SLC30A9: variants seen among roughly 807,000 people sequenced by gnomAD.
SLC30A9 encodes the protein solute carrier family 30 member 9, also known as proton-coupled zinc antiporter SLC30A9, mitochondrial.
SLC30A9 carries 58 observed loss-of-function variants against 87.5 expected under a neutral mutation model. That is an observed-to-expected ratio of 0.66 (90% CI 0.54 to 0.82). SLC30A9 has a LOEUF of 0.82. Among genes scored for constraint, SLC30A9 ranks in the 40% least tolerant of loss-of-function variants. SLC30A9 has a pLI of 0.00. For synonymous variants in SLC30A9, 234 were observed against 233.0 expected, an observed-to-expected ratio of 1.00 and a Z score of -0.04; for missense variants, 557 against 679.1, an observed-to-expected ratio of 0.82 and a Z score of 2.00.
intron 7 of SLC30A9, among the ~76,000 whole-genome samples, 166 bp downstream of exon 7, chr4:42,035,499 CTTT>C (rs374689755): frequency 4.3e-5 from 6 of 139,450 alleles, no homozygotes; most frequent in East Asian, 2.1e-4. Flanking sequence ...TCTGATTTTC[CTTT>C]TTTTTTTTTT....
chr4:42,024,288 T>G (rs1433196687), intron 6 of SLC30A9, among the ~76,000 whole-genome samples: 1 of 152,142 alleles, frequency 6.6e-6, no homozygotes, highest in Non-Finnish European at 1.5e-5. Flanking sequence ...GGAGGATCAC[T>G]TGAGCCCAGG....
intron 9 of SLC30A9, among the ~76,000 whole-genome samples, 188 bp from the exon 10 acceptor site, chr4:42,060,003 T>G (rs1381570825): frequency 6.6e-6 from 1 of 152,202 alleles, no homozygotes; most frequent in Non-Finnish European, 1.5e-5. Flanking sequence ...CAATGGTGTT[T>G]TGAACCCCTT....
At chr4:42,075,559 G>C in intron 15 of SLC30A9, 98 bp from the exon 16 acceptor site, 1 of 1,100,518 alleles carries the variant, frequency 9.1e-7, no homozygotes, top group Non-Finnish European at 1.3e-6. Context: ...CTCGTAACTA[G>C]TGGGGAAAAA....
chr4:42,022,321 G>A (rs187601192), intron 4 of SLC30A9, among the ~76,000 whole-genome samples: 6 of 143,964 alleles, frequency 4.2e-5, no homozygotes, highest in South Asian at 4.5e-4. Context: ...TCTGCCTCCC[G>A]GGTTCAAGTG....
At chr4:42,071,261 T>C (rs903511363) in intron 15 of SLC30A9, among the ~76,000 whole-genome samples, 3 of 152,174 alleles carry the variant, frequency 2.0e-5, no homozygotes, top group Admixed American at 6.5e-5. Context: ...TCTAGCAGCA[T>C]TGTGGTTTTA....
Position 42,086,008 on chromosome 4 carries a change from A to G in SLC30A9, c.1663-74A>G. 3.6e-6 allele frequency: 2 copies of G among 561,788 alleles called. 1 individual carries two copies. The highest frequency in any genetic ancestry group is 6.7e-5 in the Admixed American group (2 of 29,956). The allele number at this position is 561,788 out of a possible 1,614,324, so 34.8% of individuals were successfully genotyped here. ...GTTTGCAAATGTTTTCATTGGCTCT[A>G]ATGACCAAAAGGAATAAAAAGAAAC... On this transcript the variant is annotated intron_variant, in intron 17 of 17. Transcript: ENST00000264451.
At chr4:42,038,812 A>G (rs993733563) in intron 7 of SLC30A9, among the ~76,000 whole-genome samples, 174 bp from the exon 8 acceptor site, 2 of 152,246 alleles carry the variant, frequency 1.3e-5, no homozygotes, top group African/African-American at 4.8e-5. Context: ...AGACCCAGAT[A>G]TGCTTTCGGT....
intron 2 of SLC30A9, among the ~76,000 whole-genome samples, chr4:42,006,255 A>G (rs1715196231): frequency 6.6e-6 from 1 of 152,174 alleles, no homozygotes; most frequent in African/African-American, 2.4e-5. Flanking sequence ...CCCAACAAAT[A>G]CTGAGGGATA....
chr4:42,019,638 C>T (rs1241532506), intron 3 of SLC30A9, among the ~76,000 whole-genome samples: 1 of 151,918 alleles, frequency 6.6e-6, no homozygotes, highest in Non-Finnish European at 1.5e-5. Flanking sequence ...AACTAGTATA[C>T]ACATAGATTA....
intron 17 of SLC30A9, among the ~76,000 whole-genome samples, chr4:42,085,107 C>G (rs1718876817): frequency 2.0e-5 from 3 of 152,230 alleles, no homozygotes; most frequent in African/African-American, 7.2e-5. Context: ...GCTAGCTATA[C>G]CATAGTGCCA....
chr4:42,051,555 T>C (rs2153138683), intron 9 of SLC30A9, among the ~76,000 whole-genome samples: 1 of 152,172 alleles, frequency 6.6e-6, no homozygotes, highest in African/African-American at 2.4e-5. Flanking sequence ...ATCAAAGGTA[T>C]AAAAAATAAA....
At chr4:42,033,534 A>G (rs1716537851) in intron 6 of SLC30A9, among the ~76,000 whole-genome samples, 1 of 152,108 alleles carries the variant, frequency 6.6e-6, no homozygotes. Flanking sequence ...TTTGTATTAA[A>G]CGCCATACCC....
intron 4 of SLC30A9, among the ~76,000 whole-genome samples, chr4:42,021,709 G>C (rs1007831134): frequency 1.3e-5 from 2 of 151,938 alleles, no homozygotes; most frequent in Non-Finnish European, 2.9e-5. Context: ...CTTAAGTAGA[G>C]GGATGATATT....
intron 6 of SLC30A9, chr4:42,029,900 T>C: frequency 1.4e-6 from 1 of 712,524 alleles, no homozygotes; most frequent in South Asian, 1.4e-5. Flanking sequence ...ATGTGGAGTA[T>C]TTTGGACTGG....
intron 6 of SLC30A9, chr4:42,029,747 A>G (rs1716344186): frequency 8.3e-6 from 6 of 726,506 alleles, no homozygotes; most frequent in Admixed American, 7.6e-5. Context: ...ATGTTATTAT[A>G]AAGCTCAAGT....
At chr4:42,045,601 G>T (rs1717116895) in intron 8 of SLC30A9, among the ~76,000 whole-genome samples, 2 of 131,860 alleles carry the variant, frequency 1.5e-5, no homozygotes, top group Admixed American at 7.7e-5. Context: ...AAAAAAAAAA[G>T]CCCAGGACTA....
Position 42,060,202 on chromosome 4 carries a change from A to G in SLC30A9, c.852A>G (p.Ala284=), listed in dbSNP as rs1417600159. The G allele has an allele frequency of 1.9e-6, 3 of 1,611,602 alleles. No homozygotes were observed. Among genetic ancestry groups the G allele is most frequent in the South Asian group, 1.1e-5 (1 of 91,012 alleles). ...LSDTCNQGLL[A]LGISKSVQTP... ...CTTCTTCTTCATAGGGTTTACTAGC[A>G]TTGGGCATCAGTAAGTCTGTTCAAA... Residue 284 remains alanine (A), a synonymous_variant, in exon 10 of 18, where the codon GCA becomes GCG. Coordinates refer to ENST00000264451, the MANE Select transcript of SLC30A9 (RefSeq NM_006345.4).
chr4:42,057,468 C>T (rs1354008506), intron 9 of SLC30A9, among the ~76,000 whole-genome samples: 1 of 152,216 alleles, frequency 6.6e-6, no homozygotes, highest in Admixed American at 6.5e-5. Context: ...GAAGCAATAG[C>T]TGGAGCTGTA....
chr4:42,082,645 C>T (rs1164396195), intron 17 of SLC30A9, among the ~76,000 whole-genome samples: 2 of 152,168 alleles, frequency 1.3e-5, no homozygotes, highest in African/African-American at 4.8e-5. Context: ...GTCAGGAGTT[C>T]AAGACCAGCC....
Sources: gnomAD v4.1 joint callset for allele counts (sites outside exome capture counted in the v4.1 genomes callset) on GRCh38, gnomAD v4.1.1 for gene constraint, MANE v1.5 for transcripts, NCBI Gene and HGNC (gene_info 2026-07-23, HGNC 2026-07-21) for gene names.